Variants in ENOX1 observed in about 807,000 individuals in gnomAD.
ENOX1 encodes the protein ecto-NOX disulfide-thiol exchanger 1.
In ENOX1, 42 loss-of-function variants were observed where a neutral mutation model predicts 82.5. The observed-to-expected ratio is 0.51, with a 90% CI of 0.40 to 0.66. The LOEUF is 0.66. Among genes scored for constraint, ENOX1 ranks in the 30% least tolerant of loss-of-function variants. The pLI, the probability that ENOX1 is intolerant of heterozygous loss-of-function variation, is 0.00. For synonymous variants in ENOX1, 271 were observed against 282.2 expected (o/e 0.96, Z 0.40); for missense variants, 608 against 811.6 (o/e 0.75, Z 3.05).
rs895849412 is a variant in ENOX1, at chr13:43,738,524, T to C, written c.-285+48128A>G. Among the ~76,000 whole-genome samples the C allele has an allele frequency of 2.6e-5, 4 of 152,198 alleles. No individual in the cohort carries two copies. The East Asian group carries it at 5.8e-4, about 22-fold the overall frequency. On this transcript the variant is annotated intron_variant, in intron 1 of 16. Coordinates refer to ENST00000690772, the MANE Select transcript of ENOX1 (RefSeq NM_001347969.2). ...CTCACCCACATTTAAATAGAAACAATGTTTTCATTTACTACTTTTCAAAGA... is the reference window on the plus strand; with the variant it reads ...CTCACCCACATTTAAATAGAAACAACGTTTTCATTTACTACTTTTCAAAGA...
intron 2 of ENOX1, among the ~76,000 whole-genome samples, chr13:43,621,428 T>A (rs1448676610): frequency 6.6e-6 from 1 of 152,338 alleles, no homozygotes; most frequent in East Asian, 1.9e-4. Context: ...CTTTTAGCAG[T>A]TCCTGTAGTG....
At chr13:43,528,113 G>A (rs2078058228) in intron 2 of ENOX1, among the ~76,000 whole-genome samples, 1 of 152,066 alleles carries the variant, frequency 6.6e-6, no homozygotes, top group Non-Finnish European at 1.5e-5. Flanking sequence ...TTGATCATAT[G>A]AGTGTGTTTC....
chr13:43,213,816 G>T lies in ENOX1; in HGVS notation c.*174C>A, dbSNP rs2041311512. On this transcript the variant is annotated 3_prime_UTR_variant, in exon 17 of 17. Transcript: ENST00000690772. Reference sequence around the variant, plus strand: ...AAGCTTTGTTTATTTTAAGAAACTGGTACACAATTACATTTCCACTTACAA... The same window carrying T: ...AAGCTTTGTTTATTTTAAGAAACTGTTACACAATTACATTTCCACTTACAA... 2 of 549,092 alleles carry T rather than the reference G, an allele frequency of 3.6e-6. No homozygotes were observed. Among genetic ancestry groups the T allele is most frequent in the East Asian group, 6.6e-5 (2 of 30,188 alleles). 34.0% of individuals were successfully genotyped at this position (549,092 alleles called of 1,614,324 possible). A position where few individuals can be genotyped will look rare whatever the true frequency, so the allele number is the denominator to read the frequency against.
At chr13:43,223,081 A>G (rs2041869783) in intron 16 of ENOX1, among the ~76,000 whole-genome samples, 1 of 152,246 alleles carries the variant, frequency 6.6e-6, no homozygotes, top group Admixed American at 6.5e-5. Context: ...GAATCAAAAT[A>G]AGAACACATG....
At chr13:43,639,463 C>T (rs971391759) in intron 2 of ENOX1, among the ~76,000 whole-genome samples, 41 of 152,168 alleles carry the variant, frequency 2.7e-4, no homozygotes, top group African/African-American at 7.2e-4. Flanking sequence ...GATACATTGA[C>T]GGTCTAAGAT....
intron 3 of ENOX1, chr13:43,458,351 A>G (rs1180671877): frequency 2.0e-5 from 3 of 152,192 alleles, no homozygotes; most frequent in African/African-American, 7.2e-5. Context: ...GTAGGTACCC[A>G]ATTAAAAAAA....
At chr13:43,634,079 T>C (rs1406094264) in intron 2 of ENOX1, among the ~76,000 whole-genome samples, 6 of 152,210 alleles carry the variant, frequency 3.9e-5, no homozygotes, top group African/African-American at 1.4e-4. Context: ...CAGAAAGTTA[T>C]TCATATTTGA....
chr13:43,715,995 G>A (rs1046189942), intron 1 of ENOX1, among the ~76,000 whole-genome samples: 9 of 152,194 alleles, frequency 5.9e-5, no homozygotes, highest in African/African-American at 1.9e-4. Flanking sequence ...CTTTGCCATT[G>A]GTTTGAATTT....
intron 3 of ENOX1, among the ~76,000 whole-genome samples, chr13:43,429,236 G>A (rs573969255): frequency 1.3e-5 from 2 of 152,214 alleles, no homozygotes; most frequent in South Asian, 4.1e-4. Context: ...GAGCTGAAAG[G>A]AATAAAACAT....
chr13:43,234,552 A>T (rs2042432172), intron 15 of ENOX1, among the ~76,000 whole-genome samples: 1 of 152,224 alleles, frequency 6.6e-6, no homozygotes, highest in African/African-American at 2.4e-5. Context: ...TAATATTAGT[A>T]AACTAGTTCA....
At chr13:43,566,534 G>A (rs963083596) in intron 2 of ENOX1, among the ~76,000 whole-genome samples, 1 of 151,972 alleles carries the variant, frequency 6.6e-6, no homozygotes, top group Non-Finnish European at 1.5e-5. Flanking sequence ...GTTATTTTCA[G>A]TGGCAATAGC....
chr13:43,640,786 G>A (rs1320959165), intron 2 of ENOX1, among the ~76,000 whole-genome samples: 1 of 152,020 alleles, frequency 6.6e-6, no homozygotes, highest in African/African-American at 2.4e-5. Context: ...CTCACTGACT[G>A]AAGAAAGTGA....
chr13:43,443,579 A>C (rs1449100796), intron 3 of ENOX1, among the ~76,000 whole-genome samples: 3 of 152,164 alleles, frequency 2.0e-5, no homozygotes, highest in Admixed American at 1.3e-4. Flanking sequence ...CCTCTTGTTA[A>C]GGAGTCCACA....
At chr13:43,560,509 T>C (rs1167770726) in intron 2 of ENOX1, among the ~76,000 whole-genome samples, 1 of 152,182 alleles carries the variant, frequency 6.6e-6, no homozygotes, top group Non-Finnish European at 1.5e-5. Context: ...AGGCCATCTT[T>C]GCTTGGCTGT....
intron 5 of ENOX1, among the ~76,000 whole-genome samples, chr13:43,392,214 A>T (rs190514156): frequency 6.6e-6 from 1 of 152,238 alleles, no homozygotes; most frequent in Admixed American, 6.5e-5. Context: ...CCTTTATAGT[A>T]ATCATTACCA....
chr13:43,503,392 A>C (rs117702225), intron 2 of ENOX1, among the ~76,000 whole-genome samples: 13 of 151,882 alleles, frequency 8.6e-5, no homozygotes, highest in Non-Finnish European at 1.8e-4. Context: ...ACAATCCTAA[A>C]ACGTATATGA....
intron 1 of ENOX1, among the ~76,000 whole-genome samples, chr13:43,696,679 A>G (rs1006679388): frequency 6.6e-6 from 1 of 152,172 alleles, no homozygotes; most frequent in African/African-American, 2.4e-5. Flanking sequence ...ATGATATAGC[A>G]ATAAACAACA....
intron 3 of ENOX1, among the ~76,000 whole-genome samples, chr13:43,479,061 G>C (rs143242220): frequency 5.3e-5 from 8 of 151,748 alleles, no homozygotes; most frequent in African/African-American, 1.9e-4. Flanking sequence ...AGGAGAAACA[G>C]AAGTTGTCAA....
chr13:43,576,145 A>C (rs1325412930), intron 2 of ENOX1, among the ~76,000 whole-genome samples: 2 of 152,234 alleles, frequency 1.3e-5, no homozygotes, highest in Non-Finnish European at 1.5e-5. Flanking sequence ...TAAGAAGTGC[A>C]TATCTAACCC....
Sources: allele counts gnomAD v4.1 joint callset (sites outside exome capture counted in the v4.1 genomes callset), GRCh38; gene constraint gnomAD v4.1.1; transcripts MANE v1.5; gene names NCBI Gene and HGNC (gene_info 2026-07-23, HGNC 2026-07-21).